The following GLI3 variants were observed in gnomAD, a reference collection of about 807,000 sequenced individuals.
GLI3 encodes the protein transcription activator GLI3.
In GLI3, 20 loss-of-function variants were observed where a neutral mutation model predicts 100.8. The ratio of observed to expected loss-of-function variants is 0.20; its 90% confidence interval spans 0.14 to 0.29. GLI3 has a LOEUF of 0.29. GLI3 is among the 10% of genes least tolerant of loss of function. The pLI is 1.00. For missense variants in GLI3, 2,040 were observed against 2,128.5 expected (o/e 0.96, Z 0.82); for synonymous variants, 938 against 860.5 (o/e 1.09, Z -1.58).
intron 1 of GLI3, among the ~76,000 whole-genome samples, chr7:42,253,796 A>G (rs1789057269): frequency 6.6e-6 from 1 of 152,184 alleles, no homozygotes; most frequent in African/African-American, 2.4e-5. Flanking sequence ...TGTTACGCTA[A>G]GATCCTTGAG....
Position 42,048,481 on chromosome 7 carries a change from C to T in GLI3, c.679+10G>A. 1 of 1,591,598 alleles carries T rather than the reference C, an allele frequency of 6.3e-7. No individual in the cohort carries two copies. Among genetic ancestry groups the T allele is most frequent in the Non-Finnish European group, 8.6e-7 (1 of 1,160,230 alleles). On this transcript the variant is annotated intron_variant, in intron 5 of 14. Transcript: ENST00000395925. ...ATGATCTCCAGAAGCAGAATCCATC[C>T]TGGACTTACCATCTGTAGGGCTCAG... is the stretch of plus-strand genomic sequence containing the variant.
intron 1 of GLI3, among the ~76,000 whole-genome samples, chr7:42,248,926 G>C (rs911220891): frequency 1.3e-5 from 2 of 152,012 alleles, no homozygotes; most frequent in African/African-American, 4.8e-5. Flanking sequence ...ATTTTTAGTA[G>C]AGATGGATTT....
Position 41,966,339 on chromosome 7 carries a change from T to C in GLI3, c.2734A>G (p.Ser912Gly). The C allele has an allele frequency of 6.2e-7, 1 of 1,607,860 alleles. No homozygotes were observed. Among genetic ancestry groups the C allele is most frequent in the Non-Finnish European group, 8.5e-7 (1 of 1,179,228 alleles). Residue 912 changes from serine to glycine, a missense_variant, in exon 15 of 15, where the codon AGC becomes GGC. Physicochemically the swap from Ser to Gly is moderately conservative, Grantham distance 56 (BLOSUM62 0). This residue lies in a region of GLI3 where 1,041 missense variants were observed against 924.0 expected (regional missense o/e 1.13). Transcript: ENST00000395925. The surrounding 1 kb of genome is among the most constrained non-coding windows in gnomAD (Gnocchi z 5.8). ...CTGAGCAGGCTGGGCAGGCCGTCGC[T>C]CTGGCTGGCTTCGCTGGAGCGGCGC... Reference protein sequence around the residue: ...ASRRSSEASQSDGLPSLLSLT... With the variant: ...ASRRSSEASQGDGLPSLLSLT...
intron 3 of GLI3, among the ~76,000 whole-genome samples, chr7:42,123,240 C>T (rs1446273044): frequency 1.3e-5 from 2 of 152,178 alleles, no homozygotes; most frequent in Non-Finnish European, 1.5e-5. Context: ...GAGAGAATTA[C>T]ACTCAACCAA....
At chr7:42,048,806 G>T (rs1266162961) in intron 4 of GLI3, 110 bp from the exon 5 acceptor site, 1 of 784,642 alleles carries the variant, frequency 1.3e-6, no homozygotes, top group Non-Finnish European at 2.2e-6. Context: ...ATTCAAAGGA[G>T]CCTTGTGGAA....
intron 10 of GLI3, among the ~76,000 whole-genome samples, chr7:42,005,900 C>T (rs1030917040): frequency 3.9e-5 from 6 of 152,036 alleles, no homozygotes; most frequent in African/African-American, 1.4e-4. Flanking sequence ...GTTTTCAGGG[C>T]GTGAGGGATG....
At position 42,013,907 on chromosome 7, in the gene GLI3, T is replaced by C. The variant is rs577299355; in HGVS notation, c.1497+9561A>G. The stretch of plus-strand genomic sequence containing the variant: ...ACACAGGCAAGACACAGAGGTTCCA[T>C]GGGTAACGTCTCCTCCCAGCACTCA... On this transcript the variant is annotated intron_variant, in intron 10 of 14. Transcript: ENST00000395925. Among the ~76,000 whole-genome samples the C allele has an allele frequency of 5.1e-4, 78 of 152,308 alleles. No individual in the cohort carries two copies. In the South Asian group the frequency reaches 0.015, roughly 30 times the overall value.
chr7:42,051,552 T>C (rs956857822), intron 4 of GLI3, among the ~76,000 whole-genome samples: 1 of 152,228 alleles, frequency 6.6e-6, no homozygotes, highest in Admixed American at 6.5e-5. Flanking sequence ...CATATTTATA[T>C]ACACATGTGT....
chr7:42,134,916 T>C (rs544234676), intron 3 of GLI3, among the ~76,000 whole-genome samples: 1 of 152,076 alleles, frequency 6.6e-6, no homozygotes, highest in South Asian at 2.1e-4. Flanking sequence ...TCGGCATATG[T>C]GTTATGTGAA....
chr7:42,147,020 C>A (rs1045605962), intron 3 of GLI3, among the ~76,000 whole-genome samples: 2 of 152,030 alleles, frequency 1.3e-5, no homozygotes, highest in Admixed American at 1.3e-4. Context: ...AGAAAACTAC[C>A]CTCCGTGCTT....
chr7:42,153,728 A>C (rs2128789946), intron 2 of GLI3, among the ~76,000 whole-genome samples: 1 of 152,352 alleles, frequency 6.6e-6, no homozygotes. Flanking sequence ...AGTCACGTTC[A>C]AATGAATTAA....
rs1787040272 is a variant in GLI3 at position 41,962,669 on chromosome 7, A to C, written c.*1661T>G. 1 of 152,034 alleles carries C rather than the reference A, an allele frequency of 6.6e-6. No individual in the cohort carries two copies. The highest frequency in any genetic ancestry group is 1.5e-5 in the Non-Finnish European group (1 of 68,030). The allele number at this position is 152,034 out of a possible 1,614,324, so 9.4% of individuals were successfully genotyped here. Reference sequence around the variant, plus strand: ...TTCTTGGTCCAAATGAAAGAACATAAACATGAGAAAAGTGGGCTGGTCTTA... The same window carrying C: ...TTCTTGGTCCAAATGAAAGAACATACACATGAGAAAAGTGGGCTGGTCTTA... On this transcript the variant is annotated 3_prime_UTR_variant, in exon 15 of 15. Coordinates refer to ENST00000395925, the MANE Select transcript of GLI3 (RefSeq NM_000168.6).
intron 10 of GLI3, among the ~76,000 whole-genome samples, chr7:42,020,151 C>T (rs769620747): frequency 2.5e-4 from 38 of 152,276 alleles, no homozygotes; most frequent in African/African-American, 7.5e-4. Flanking sequence ...TAGTAATGAA[C>T]GAGGTAATCT....
Position 41,965,340 on chromosome 7 carries a change from G to T in GLI3, c.3733C>A (p.His1245Asn), listed in dbSNP as rs767880494. Residue 1245 changes from histidine to asparagine, a missense_variant, in exon 15 of 15, where the codon CAT becomes AAT. His to Asn is a moderately conservative substitution (Grantham distance 68). Around this residue, in one of 5 missense-constraint regions of GLI3, gnomAD observed 1,041 missense variants for 924.0 expected, o/e 1.13. Transcript: ENST00000395925. ...PGSGTSGNAF[H>N]EQPCKAPQYG... The stretch of plus-strand genomic sequence containing the variant: ...TGCGGGGCCTTACAGGGCTGTTCAT[G>T]GAAGGCGTTTCCACTGGTGCCACTT... 6.2e-7 allele frequency: 1 copy of T among 1,613,832 alleles called. No homozygotes were observed.
rs149055872 is a variant in GLI3, at chr7:42,006,750, G to T, written c.1497+16718C>A. Among the ~76,000 whole-genome samples the T allele has an allele frequency of 2.6e-3, 401 of 152,250 alleles. 4 individuals are homozygous for T. Among genetic ancestry groups the T allele is most frequent in the African/African-American group, 9.0e-3 (372 of 41,556 alleles). On this transcript the variant is annotated intron_variant, in intron 10 of 14. Coordinates refer to ENST00000395925, the MANE Select transcript of GLI3 (RefSeq NM_000168.6). ...CCAGGTAGAGCCCAAGTTTCTCAGG[G>T]GGAGACATTTCTGACACTTACAGGA...
chr7:42,008,169 C>T (rs1178953795), intron 10 of GLI3, among the ~76,000 whole-genome samples: 1 of 152,150 alleles, frequency 6.6e-6, no homozygotes, highest in African/African-American at 2.4e-5. Flanking sequence ...CCATGGTGTA[C>T]AATTTAAACA....
intron 6 of GLI3, among the ~76,000 whole-genome samples, chr7:42,041,844 G>A (rs1217723850): frequency 6.6e-6 from 1 of 152,020 alleles, no homozygotes; most frequent in Non-Finnish European, 1.5e-5. Context: ...AATTTACTAA[G>A]TTAGTGCCAT....
chr7:42,059,433 G>A (rs1784524111), intron 4 of GLI3, among the ~76,000 whole-genome samples: 1 of 149,482 alleles, frequency 6.7e-6, no homozygotes, highest in Admixed American at 6.7e-5. Flanking sequence ...TAAATATAAA[G>A]TGGAATTAAT....
chr7:42,005,473 A>ACACG (rs1350000105), intron 10 of GLI3, among the ~76,000 whole-genome samples: 19 of 150,830 alleles, frequency 1.3e-4, no homozygotes, highest in African/African-American at 4.7e-4. Flanking sequence ...ACACACACAC[A>ACACG]CACACACACA....
Sources: gnomAD v4.1 joint callset for allele counts (sites outside exome capture counted in the v4.1 genomes callset) on GRCh38, gnomAD v4.1.1 for gene constraint, gnomAD v4.1.1 regional missense constraint, Gnocchi (gnomAD v3.1) non-coding constraint, MANE v1.5 for transcripts, NCBI Gene and HGNC (gene_info 2026-07-23, HGNC 2026-07-21) for gene names.